The following CD48 variants were observed in gnomAD, a reference collection of about 807,000 sequenced individuals.
CD48 encodes the protein CD48 molecule, also known as CD48 antigen.
A neutral mutation model predicts 22.0 loss-of-function variants in CD48; 20 were observed. That is an observed-to-expected ratio of 0.91 (90% CI 0.64 to 1.32). The LOEUF (loss-of-function observed/expected upper bound fraction) is 1.32. CD48 is among the 40% of genes most tolerant of loss of function. CD48 has a pLI of 0.00. For missense variants in CD48, 307 were observed against 286.5 expected (o/e 1.07, Z -0.52); for synonymous variants, 110 against 110.1 (o/e 1.00, Z 0.01).
At position 160,681,189 on chromosome 1, in the gene CD48, G is replaced by T. The variant is rs758124495; in HGVS notation, c.652+13C>A. On this transcript the variant is annotated intron_variant, in intron 3 of 3. Transcript: ENST00000368046. ...ACCCTGTGCCCCCCTCAGCTCCCAG[G>T]GATCCTTCTTACCCAGGGTACAGGG... The T allele has an allele frequency of 1.9e-5, 31 of 1,614,000 alleles. No individual in the cohort carries two copies. In the South Asian group the frequency reaches 3.0e-4, roughly 15 times the overall value.
At chr1:160,683,383 A>G (rs935779384) in intron 2 of CD48, 1 of 152,214 alleles carries the variant, frequency 6.6e-6, no homozygotes, top group Non-Finnish European at 1.5e-5. Flanking sequence ...GCTGAAGCCC[A>G]AGCCAGTTTG....
At chr1:160,700,951 G>A (rs988281520) in intron 1 of CD48, among the ~76,000 whole-genome samples, 2 of 151,844 alleles carry the variant, frequency 1.3e-5, no homozygotes, top group African/African-American at 4.8e-5. Flanking sequence ...TTATCAGTGG[G>A]GGCAGCAATT....
chr1:160,690,565 T>C (rs949615281), intron 1 of CD48, among the ~76,000 whole-genome samples: 26 of 152,174 alleles, frequency 1.7e-4, no homozygotes, highest in Non-Finnish European at 3.4e-4. Context: ...TCTTGGGTCA[T>C]TAAAGACACC....
intron 1 of CD48, chr1:160,686,797 A>G (rs1461986765): frequency 6.6e-6 from 1 of 152,178 alleles, no homozygotes; most frequent in African/African-American, 2.4e-5. Context: ...ACAGACATCA[A>G]GTACTTAACG....
At chr1:160,685,691 A>G (rs572432868) in intron 1 of CD48, among the ~76,000 whole-genome samples, 2 of 152,324 alleles carry the variant, frequency 1.3e-5, no homozygotes, top group South Asian at 4.1e-4. Context: ...TATTATCTTG[A>G]TGACTATAAT....
At chr1:160,688,337 G>A (rs573666024) in intron 1 of CD48, among the ~76,000 whole-genome samples, 9 of 152,256 alleles carry the variant, frequency 5.9e-5, no homozygotes, top group African/African-American at 2.2e-4. Context: ...AAATGTATTG[G>A]GGGGAGGATT....
chr1:160,710,084 G>A (rs1355458914), intron 1 of CD48, among the ~76,000 whole-genome samples: 2 of 152,186 alleles, frequency 1.3e-5, no homozygotes, highest in Non-Finnish European at 2.9e-5. Flanking sequence ...CCAGAGGTAA[G>A]AGAAAACGCC....
intron 1 of CD48, among the ~76,000 whole-genome samples, chr1:160,696,872 G>A: frequency 7.0e-6 from 1 of 142,732 alleles, no homozygotes; most frequent in East Asian, 2.1e-4. Context: ...TTGTAGTAAA[G>A]CTTTCCAAAA....
rs199913454 is a variant in CD48 at position 160,685,151 on chromosome 1, C to G, written c.121G>C (p.Val41Leu). The G allele has an allele frequency of 6.2e-7, 1 of 1,611,792 alleles. No individual in the cohort carries two copies. Among genetic ancestry groups the G allele is most frequent in the Middle Eastern group, 1.7e-4 (1 of 6,050 alleles). ...AGGCTCTCAGAGATGTTCAGAGTCA[C>G]GTTGCTGCCGGAGACCACGGTCATA... The part of the protein sequence containing the change: ...VHMTVVSGSN[V>L]TLNISESLPE... Residue 41 changes from valine to leucine, a missense_variant, in exon 2 of 4, where the codon GTG becomes CTG. Coordinates refer to ENST00000368046, the MANE Select transcript of CD48 (RefSeq NM_001778.4).
At chr1:160,681,648 A>C (rs1489653567) in intron 2 of CD48, among the ~76,000 whole-genome samples, 180 bp from the exon 3 acceptor site, 1 of 152,180 alleles carries the variant, frequency 6.6e-6, no homozygotes, top group Non-Finnish European at 1.5e-5. Context: ...GGCCTCACAG[A>C]CTCACTGCAA....
Position 160,681,085 on chromosome 1 carries a change from C to T in CD48, c.652+117G>A, listed in dbSNP as rs769181478. On this transcript the variant is annotated intron_variant, in intron 3 of 3. Transcript: ENST00000368046. ...CCACGTCTCCCAGCTCTCCCAGACA[C>T]CTTAGGGATTCACCACCACACTGTG... The T allele has an allele frequency of 3.2e-6, 5 of 1,562,690 alleles. No individual in the cohort carries two copies. The African/African-American group carries it at 4.1e-5, about 13-fold the overall frequency.
chr1:160,703,291 G>C (rs561848798), intron 1 of CD48, among the ~76,000 whole-genome samples: 1 of 152,290 alleles, frequency 6.6e-6, no homozygotes, highest in Admixed American at 6.5e-5. Context: ...ACTTCAGTAC[G>C]AAAAGTTTGT....
intron 1 of CD48, among the ~76,000 whole-genome samples, chr1:160,697,388 T>G (rs1372839547): frequency 6.6e-6 from 1 of 152,306 alleles, no homozygotes; most frequent in Non-Finnish European, 1.5e-5. Context: ...TGATAGTGTA[T>G]GGGTACCTGG....
At chr1:160,689,550 G>A (rs909304378) in intron 1 of CD48, among the ~76,000 whole-genome samples, 2 of 152,176 alleles carry the variant, frequency 1.3e-5, no homozygotes, top group Admixed American at 1.3e-4. Flanking sequence ...GAAATGGTGA[G>A]ATTTTTAGGT....
intron 1 of CD48, among the ~76,000 whole-genome samples, chr1:160,706,948 T>A (rs1662813718): frequency 6.6e-6 from 1 of 152,028 alleles, no homozygotes; most frequent in African/African-American, 2.4e-5. Flanking sequence ...TTGAGAAAAA[T>A]AAAAATAATA....
Position 160,685,070 on chromosome 1 carries a change from C to T in CD48, c.202G>A (p.Glu68Lys). The part of the protein sequence containing the change: ...WFYTFDQKIV[E>K]WDSRKSKYFE... ...TACTTAGATTTTCTGGAATCCCATT[C>T]TACAATCTTCTGGTCGAAAGTATAA... The change falls in exon 2 of 4, where the codon GAA becomes AAA. Residue 68 changes from glutamate (E) to lysine (K), a missense_variant. Transcript: ENST00000368046. 1 of 1,614,194 alleles carries T rather than the reference C, an allele frequency of 6.2e-7. No individual in the cohort carries two copies. Among genetic ancestry groups the T allele is most frequent in the Non-Finnish European group, 8.5e-7 (1 of 1,180,022 alleles).
intron 1 of CD48, among the ~76,000 whole-genome samples, chr1:160,689,206 A>G (rs1056282500): frequency 5.3e-5 from 8 of 152,152 alleles, no homozygotes; most frequent in Non-Finnish European, 1.0e-4. Flanking sequence ...CGAGGCACAG[A>G]GGGGGGTATT....
At chr1:160,709,762 T>G (rs1485495720) in intron 1 of CD48, among the ~76,000 whole-genome samples, 1 of 152,190 alleles carries the variant, frequency 6.6e-6, no homozygotes, top group African/African-American at 2.4e-5. Context: ...AAGGAAGTTT[T>G]TTGAAGTTGT....
At chr1:160,681,114 G>T in intron 3 of CD48, 88 bp downstream of exon 3, 5 of 1,601,130 alleles carry the variant, frequency 3.1e-6, no homozygotes, top group Non-Finnish European at 4.3e-6. Context: ...CACTGTGCAA[G>T]GAGGCTGAAT....
Sources: gnomAD v4.1 joint callset for allele counts (sites outside exome capture counted in the v4.1 genomes callset) on GRCh38, gnomAD v4.1.1 for gene constraint, MANE v1.5 for transcripts, NCBI Gene and HGNC (gene_info 2026-07-23, HGNC 2026-07-21) for gene names.